The following DGKQ variants were observed in gnomAD, a reference collection of about 807,000 sequenced individuals.
The protein encoded by DGKQ is diacylglycerol kinase theta.
In DGKQ, 97 loss-of-function variants were observed where a neutral mutation model predicts 104.2. The ratio of observed to expected loss-of-function variants is 0.93; its 90% CI spans 0.79 to 1.10. The LOEUF (loss-of-function observed/expected upper bound fraction) is 1.10. Among genes scored for constraint, DGKQ ranks in the 50% least tolerant of loss-of-function variants. DGKQ has a pLI of 0.00. For missense variants in DGKQ, 1,465 were observed against 1,352.1 expected, an observed-to-expected ratio of 1.08 and a Z score of -1.31; for synonymous variants, 736 against 595.2, an observed-to-expected ratio of 1.24 and a Z score of -3.44.
rs866359125 is a variant in DGKQ at position 971,900 on chromosome 4, C to T, written c.272-828G>A. 6.6e-6 allele frequency among the ~76,000 whole-genome samples: 1 copy of T among 152,130 alleles called. No individual in the cohort carries two copies. Among genetic ancestry groups the T allele is most frequent in the African/African-American group, 2.4e-5 (1 of 41,420 alleles). Reference sequence around the variant, plus strand: ...CTCTTCCAGAAGGCCCCGCTGGTGCCGCCCTTCACCTGCTGCAGCCCTAGC... The same window carrying T: ...CTCTTCCAGAAGGCCCCGCTGGTGCTGCCCTTCACCTGCTGCAGCCCTAGC... On this transcript the variant is annotated intron_variant, in intron 1 of 22. Coordinates refer to ENST00000273814, the MANE Select transcript of DGKQ (RefSeq NM_001347.4). This position sits in a 1 kb window ranked among gnomAD's most constrained non-coding sequence, Gnocchi z 4.0.
chr4:968,606 G>A lies in DGKQ; in HGVS notation c.452-42C>T, dbSNP rs370258772. ...GTTAGAGGTGTCTGCCGCCCCCGGA[G>A]GACCCCTGCCTCTGCCGGTGCTTGG... On this transcript the variant is annotated intron_variant, in intron 3 of 22. Coordinates refer to ENST00000273814, the MANE Select transcript of DGKQ (RefSeq NM_001347.4). 18 of 1,543,226 alleles carry A rather than the reference G, an allele frequency of 1.2e-5. No homozygotes were observed. The African/African-American group carries it at 1.8e-4, about 15-fold the overall frequency.
Position 966,505 on chromosome 4 carries a change from G to A in DGKQ, c.1389C>T (p.Asp463=), listed in dbSNP as rs369640675. 81 of 1,612,394 alleles carry A rather than the reference G, an allele frequency of 5.0e-5. No individual in the cohort carries two copies. Among genetic ancestry groups the A allele is most frequent in the Admixed American group, 1.5e-4 (9 of 59,986 alleles). The change falls in exon 12 of 23, where the codon GAC becomes GAT. Residue 463 remains aspartate, a synonymous_variant. Transcript: ENST00000273814. ...GTAGCCGGTCCAGCAGGGGCTGTTC[G>A]TCCATCAGCATCGTCCGCTGGACTG... The part of the protein sequence containing the change: ...CRHVQRTMLM[D]EQPLLDRLQD...
At chr4:968,145 T>A in intron 5 of DGKQ, 118 bp from the exon 6 acceptor site, 1 of 605,420 alleles carries the variant, frequency 1.7e-6, no homozygotes, top group Non-Finnish European at 2.2e-6. Flanking sequence ...GTGTCCTTCC[T>A]GCCGCCCGCC....
At position 962,462 on chromosome 4, in the gene DGKQ, G is replaced by A. The variant is rs768175623; in HGVS notation, c.2187C>T (p.Asn729=). Residue 729 remains asparagine, a synonymous_variant, in exon 18 of 23, where the codon AAC becomes AAT. Transcript: ENST00000273814. ...LDAHEAGSAE[N]DTADAEPPKI... is the part of the protein sequence containing the mutation. ...TGGGGGGCTCTGCGTCTGCCGTGTC[G>A]TTCTCTGCACTGCCAGCCTCGTGGG... 71 of 1,598,982 alleles carry A rather than the reference G, an allele frequency of 4.4e-5. 1 individual carries two copies. The highest frequency in any genetic ancestry group is 3.4e-4 in the Admixed American group (20 of 59,082).
chr4:963,252 C>T lies in DGKQ; in HGVS notation c.1773G>A (p.Val591=), dbSNP rs760207515. The change falls in exon 16 of 23, where the codon GTG becomes GTA. Residue 591 remains valine, a synonymous_variant. Coordinates refer to ENST00000273814, the MANE Select transcript of DGKQ (RefSeq NM_001347.4). ...KLPPDSCPLL[V]FVNPKSGGLK... is the part of the protein sequence containing the mutation. ...GGCCTCCACTCTTGGGGTTCACGAA[C>T]ACAAGGAGGGGACAGCTGTCTGGGG... is the stretch of plus-strand genomic sequence containing the variant. 1.9e-6 allele frequency: 3 copies of T among 1,610,802 alleles called. No homozygotes were observed. Among genetic ancestry groups the T allele is most frequent in the Non-Finnish European group, 2.5e-6 (3 of 1,178,298 alleles).
intron 3 of DGKQ, 93 bp from the exon 4 acceptor site, chr4:968,657 A>C: frequency 1.4e-6 from 2 of 1,390,008 alleles, no homozygotes; most frequent in Non-Finnish European, 2.0e-6. Flanking sequence ...ACCACCTAGC[A>C]CCCTGCATCC....
Position 967,204 on chromosome 4 carries a change from G to T in DGKQ, c.1145C>A (p.Ala382Asp). The change falls in exon 9 of 23, where the codon GCC becomes GAC. Residue 382 changes from alanine (A) to aspartate (D), a missense_variant. By Grantham distance (126) the Ala-to-Asp change is moderately radical. Transcript: ENST00000273814. ...EEGRSPGSGE[A>D]TPEAWVIRAL... ...CCGGATGACCCAGGCCTCTGGCGTG[G>T]CCTCGCCGGACCCGGGGCTTCTGCC... The T allele has an allele frequency of 6.3e-7, 1 of 1,591,388 alleles. No individual in the cohort carries two copies.
chr4:966,636 AG>A (rs1234256835), intron 11 of DGKQ, 109 bp from the exon 12 acceptor site: 1 of 1,504,370 alleles, frequency 6.6e-7, no homozygotes, highest in Non-Finnish European at 9.0e-7. Flanking sequence ...GCTGGTCAGG[AG>A]GGCAGAGCCC....
At chr4:963,318 G>A (rs750864503) in intron 15 of DGKQ, 28 bp from the exon 16 acceptor site, 8 of 1,579,258 alleles carry the variant, frequency 5.1e-6, no homozygotes, top group Non-Finnish European at 6.1e-6. Flanking sequence ...GGGTTAGGAT[G>A]GGGACCCAAG....
intron 5 of DGKQ, 114 bp downstream of exon 5, chr4:968,167 AC>A: frequency 7.1e-6 from 2 of 281,572 alleles, no homozygotes; most frequent in Non-Finnish European, 9.7e-6. Flanking sequence ...CCGAGCACCC[AC>A]CTGGAACCCG....
chr4:965,139 T>G, intron 15 of DGKQ, 37 bp downstream of exon 15: 1 of 1,577,894 alleles, frequency 6.3e-7, no homozygotes, highest in Non-Finnish European at 8.7e-7. Context: ...GGCCACCCCC[T>G]GGGGTGTGTG....
intron 17 of DGKQ, 23 bp from the exon 18 acceptor site, chr4:962,636 G>GC (rs773300430): frequency 1.9e-6 from 3 of 1,603,516 alleles, no homozygotes; most frequent in Non-Finnish European, 2.5e-6. Context: ...CAGACACAGA[G>GC]CATCTGTCCA....
Position 966,075 on chromosome 4 carries a change from A to G in DGKQ, c.1432T>C (p.Ser478Pro). Residue 478 changes from serine (S) to proline (P), a missense_variant, in exon 13 of 23, where the codon TCT (serine) becomes CCT (proline). Physicochemically the swap from Ser to Pro is moderately conservative, Grantham distance 74 (BLOSUM62 -1). Coordinates refer to ENST00000273814, the MANE Select transcript of DGKQ (RefSeq NM_001347.4). Reference sequence around the variant, plus strand: ...CGCGTCTGGCTCACCTGCCGCACAGACATCTGCAGGGAGAGGGGCGGGGAT... The same window carrying G: ...CGCGTCTGGCTCACCTGCCGCACAGGCATCTGCAGGGAGAGGGGCGGGGAT... The part of the protein sequence containing the change: ...LDRLQDIRQM[S>P]VRQVSQTRFY... 6.3e-7 allele frequency: 1 copy of G among 1,597,954 alleles called. No homozygotes were observed. Among genetic ancestry groups the G allele is most frequent in the Non-Finnish European group, 8.5e-7 (1 of 1,172,314 alleles).
In DGKQ at chr4:963,236, T is replaced by C. The variant is rs773922670; in HGVS notation, c.1789A>G (p.Ser597Gly). The C allele has an allele frequency of 1.9e-6, 3 of 1,611,226 alleles. No homozygotes were observed. The highest frequency in any genetic ancestry group is 2.5e-6 in the Non-Finnish European group (3 of 1,178,638). The change falls in exon 16 of 23, where the codon AGT (serine) becomes GGT (glycine). Residue 597 changes from serine to glycine, a missense_variant. By Grantham distance (56) the Ser-to-Gly change is moderately conservative. Transcript: ENST00000273814. ...CPLLVFVNPK[S>G]GGLKGRDLLC... ...AGGTCTCGGCCCTTGAGGCCTCCAC[T>C]CTTGGGGTTCACGAACACAAGGAGG...
At chr4:964,858 G>A (rs1169462378) in intron 15 of DGKQ, among the ~76,000 whole-genome samples, 1 of 152,074 alleles carries the variant, frequency 6.6e-6, no homozygotes, top group African/African-American at 2.4e-5. Context: ...CCTCCCTACT[G>A]GGTGGAGGCC....
chr4:965,401 G>C (rs754773039), intron 14 of DGKQ, 90 bp downstream of exon 14: 21 of 1,550,220 alleles, frequency 1.4e-5, no homozygotes, highest in Non-Finnish European at 1.8e-5. Context: ...CAAGGGAAAG[G>C]TCAGGTGCTA....
Position 960,471 on chromosome 4 carries a change from G to GTCAC in DGKQ, c.*145_*148dup. 1.5e-6 allele frequency: 1 copy of GTCAC among 685,394 alleles called. No homozygotes were observed. Among genetic ancestry groups the GTCAC allele is most frequent in the East Asian group, 2.6e-5 (1 of 37,752 alleles). The allele number at this position is 685,394 out of a possible 1,614,324, so 42.5% of individuals were successfully genotyped here. On this transcript the variant is annotated 3_prime_UTR_variant, in exon 23 of 23. Coordinates refer to ENST00000273814, the MANE Select transcript of DGKQ (RefSeq NM_001347.4). Reference sequence around the variant, plus strand: ...ATGGGATGAGGGCGGGTCCCGCTCCGTCACTGGGAAGATGCTGTGGTCAGG... The same window carrying GTCAC: ...ATGGGATGAGGGCGGGTCCCGCTCCGTCACTCACTGGGAAGATGCTGTGGTCAGG...
chr4:971,579 C>A lies in DGKQ; in HGVS notation c.272-507G>T, dbSNP rs1308362519. Among the ~76,000 whole-genome samples the A allele has an allele frequency of 1.3e-5, 2 of 152,170 alleles. No individual in the cohort carries two copies. The highest frequency in any genetic ancestry group is 2.4e-5 in the African/African-American group (1 of 41,434). On this transcript the variant is annotated intron_variant, in intron 1 of 22. Transcript: ENST00000273814. The surrounding 1 kb of genome is among the most constrained non-coding windows in gnomAD (Gnocchi z 4.0). The stretch of plus-strand genomic sequence containing the variant: ...GGTGAGGGCTCTGGGAGGCAGGAGC[C>A]GCTGGGGAGTGGACAGCCCCAAGCC...
Position 960,409 on chromosome 4 carries a change from A to G in DGKQ, c.*211T>C. 1.7e-6 allele frequency: 1 copy of G among 587,608 alleles called. No individual in the cohort carries two copies. The highest frequency in any genetic ancestry group is 2.0e-5 in the South Asian group (1 of 49,428). 36.4% of individuals were successfully genotyped at this position (587,608 alleles called of 1,614,324 possible). A position where few individuals can be genotyped will look rare whatever the true frequency, so the allele number is the denominator to read the frequency against. On this transcript the variant is annotated 3_prime_UTR_variant, in exon 23 of 23. Transcript: ENST00000273814. ...CACTGCCACCCGCACACCAGTCTCC[A>G]GTGGGATGAGGGCTGTGACACCAAC...
Sources: gnomAD v4.1 joint callset for allele counts (sites outside exome capture counted in the v4.1 genomes callset) on GRCh38, gnomAD v4.1.1 for gene constraint, Gnocchi (gnomAD v3.1) non-coding constraint, MANE v1.5 for transcripts, NCBI Gene and HGNC (gene_info 2026-07-23, HGNC 2026-07-21) for gene names.